SCHIP1: variants seen among roughly 807,000 people sequenced by gnomAD.
SCHIP1 encodes schwannomin-interacting protein 1.
SCHIP1 carries 8 observed loss-of-function variants against 29.7 expected under a neutral mutation model. That is an observed-to-expected ratio of 0.27 (90% CI 0.16 to 0.49). The LOEUF (loss-of-function observed/expected upper bound fraction) is 0.49, where lower values mean the gene tolerates loss of function less well. Among genes scored for constraint, SCHIP1 ranks in the 20% least tolerant of loss-of-function variants. The probability of loss-of-function intolerance (pLI) is 0.99; values close to 1 mark genes in which losing one functional copy is unlikely to be tolerated. For missense variants in SCHIP1, 193 were observed against 294.6 expected, an observed-to-expected ratio of 0.66 and a Z score of 2.52; for synonymous variants, 76 against 94.9, an observed-to-expected ratio of 0.80 and a Z score of 1.16.
chr3:159,339,522 T>C, the SCHIP1 span, among the ~76,000 whole-genome samples: 1 of 152,120 alleles, frequency 6.6e-6, no homozygotes, highest in Admixed American at 6.6e-5. Context: ...ATAGAAGATC[T>C]CTGATTTTCT....
chr3:159,718,488 G>A, the SCHIP1 span, among the ~76,000 whole-genome samples: 585 of 152,236 alleles, frequency 3.8e-3, 7 homozygotes, highest in African/African-American at 0.012. Flanking sequence ...AAACCCCATC[G>A]TCTCATCCCA....
the SCHIP1 span, among the ~76,000 whole-genome samples, chr3:159,783,865 T>C: frequency 2.4e-4 from 36 of 152,286 alleles, no homozygotes; most frequent in African/African-American, 8.4e-4. Context: ...TTATTTGTGA[T>C]TTACCTGAAG....
chr3:159,471,187 T>C, the SCHIP1 span, among the ~76,000 whole-genome samples: 1 of 151,320 alleles, frequency 6.6e-6, no homozygotes, highest in Admixed American at 6.6e-5. Context: ...TGGAAAGGAG[T>C]TGTTTGCCTT....
At chr3:159,765,284 G>A in the SCHIP1 span, 28 of 938,404 alleles carry the variant, frequency 3.0e-5, no homozygotes, top group Admixed American at 1.3e-4. Flanking sequence ...AGAGCCTGCC[G>A]TCTGCTCCCC....
intron 1 of SCHIP1, among the ~76,000 whole-genome samples, chr3:159,841,148 A>G (rs917655938): frequency 1.3e-5 from 2 of 152,226 alleles, no homozygotes; most frequent in Admixed American, 6.5e-5. Context: ...ACCTGAGACA[A>G]GCAAGTGTTT....
At chr3:159,592,023 G>A in the SCHIP1 span, among the ~76,000 whole-genome samples, 1 of 148,208 alleles carries the variant, frequency 6.7e-6, no homozygotes, top group African/African-American at 2.6e-5. Flanking sequence ...AAGAAATTGA[G>A]TGTGGATTAT....
chr3:159,771,715 G>A, the SCHIP1 span, among the ~76,000 whole-genome samples: 8 of 148,886 alleles, frequency 5.4e-5, no homozygotes, highest in Non-Finnish European at 1.0e-4. Context: ...TTTAAATTAG[G>A]TTGCAGGCAA....
chr3:159,806,739 C>T, the SCHIP1 span, among the ~76,000 whole-genome samples: 14 of 152,354 alleles, frequency 9.2e-5, no homozygotes, highest in African/African-American at 2.9e-4. Context: ...GCTTCCTGAG[C>T]AGGGCCCTCC....
the SCHIP1 span, among the ~76,000 whole-genome samples, chr3:159,676,229 A>G: frequency 3.3e-5 from 5 of 152,232 alleles, no homozygotes; most frequent in Non-Finnish European, 5.9e-5. Context: ...TTTCAAAAAT[A>G]TTCTTCCTAA....
the SCHIP1 span, among the ~76,000 whole-genome samples, chr3:159,535,294 A>G: frequency 6.6e-6 from 1 of 152,150 alleles, no homozygotes. Context: ...TCACCAGCCC[A>G]TCATTCTTCT....
chr3:159,491,921 G>A, the SCHIP1 span, among the ~76,000 whole-genome samples: 1 of 152,148 alleles, frequency 6.6e-6, no homozygotes, highest in Non-Finnish European at 1.5e-5. Context: ...GAACGATCAG[G>A]CAGCAGCATT....
At chr3:159,476,519 C>G in the SCHIP1 span, among the ~76,000 whole-genome samples, 1 of 152,012 alleles carries the variant, frequency 6.6e-6, no homozygotes, top group Non-Finnish European at 1.5e-5. Flanking sequence ...TAAGAGTAGA[C>G]TCAGTAGTTT....
chr3:159,418,349 C>T, the SCHIP1 span, among the ~76,000 whole-genome samples: 1 of 152,102 alleles, frequency 6.6e-6, no homozygotes, highest in South Asian at 2.1e-4. Flanking sequence ...GCACACTGAT[C>T]CAAAGGATAC....
At chr3:159,541,760 A>G in the SCHIP1 span, among the ~76,000 whole-genome samples, 1 of 152,106 alleles carries the variant, frequency 6.6e-6, no homozygotes, top group Non-Finnish European at 1.5e-5. Flanking sequence ...CTAGAATGAA[A>G]ACCTTTTCAA....
the SCHIP1 span, among the ~76,000 whole-genome samples, chr3:159,641,505 C>A: frequency 6.6e-6 from 1 of 152,030 alleles, no homozygotes; most frequent in East Asian, 1.9e-4. Context: ...GTTTTCTGTG[C>A]CTGGATACGA....
At chr3:159,439,189 G>A in the SCHIP1 span, among the ~76,000 whole-genome samples, 1 of 152,064 alleles carries the variant, frequency 6.6e-6, no homozygotes, top group African/African-American at 2.4e-5. Flanking sequence ...CATTCTGACT[G>A]GTGTGAGATG....
chr3:159,551,573 G>A, the SCHIP1 span, among the ~76,000 whole-genome samples: 3 of 152,080 alleles, frequency 2.0e-5, no homozygotes, highest in African/African-American at 7.2e-5. Context: ...AAATAATAAT[G>A]AACTGTATAA....
chr3:159,806,613 C>T, the SCHIP1 span, among the ~76,000 whole-genome samples: 1 of 152,224 alleles, frequency 6.6e-6, no homozygotes, highest in Non-Finnish European at 1.5e-5. Context: ...GAGGATTTCT[C>T]AATCTGGGAG....
chr3:159,493,197 C>T, the SCHIP1 span, among the ~76,000 whole-genome samples: 26 of 151,916 alleles, frequency 1.7e-4, no homozygotes, highest in African/African-American at 4.1e-4. Flanking sequence ...CATCAACTAA[C>T]GAGCAAAATA....
Sources: allele counts gnomAD v4.1 joint callset (sites outside exome capture counted in the v4.1 genomes callset), GRCh38; gene constraint gnomAD v4.1.1; transcripts MANE v1.5; gene names NCBI Gene and HGNC (gene_info 2026-07-23, HGNC 2026-07-21).